AP3S1: variants seen among roughly 807,000 people sequenced by gnomAD.
The protein encoded by AP3S1 is adaptor related protein complex 3 subunit sigma 1.
A neutral mutation model predicts 21.3 loss-of-function variants in AP3S1; 12 were observed. The observed-to-expected ratio is 0.56, with a 90% CI of 0.36 to 0.91. The LOEUF (loss-of-function observed/expected upper bound fraction) is 0.91. AP3S1 is among the 40% of genes least tolerant of loss of function. The pLI is 0.01. For missense variants in AP3S1, 116 were observed against 225.0 expected, an observed-to-expected ratio of 0.52 and a Z score of 3.10; for synonymous variants, 48 against 78.4, an observed-to-expected ratio of 0.61 and a Z score of 2.05.
rs147178147 is a variant in AP3S1, at chr5:115,864,663, A to G, written c.70-2007A>G. 7.2e-5 allele frequency among the ~76,000 whole-genome samples: 11 copies of G among 152,350 alleles called. No homozygotes were observed. In the East Asian group the frequency reaches 2.1e-3, roughly 29 times the overall value. On this transcript the variant is annotated intron_variant, in intron 1 of 5. Coordinates refer to ENST00000316788, the MANE Select transcript of AP3S1 (RefSeq NM_001284.4). ...CATGACTTCACAGGATTTATGACACAACCAATCAAAGAAATCATGGAAGAG... is the reference window on the plus strand; with the variant it reads ...CATGACTTCACAGGATTTATGACACGACCAATCAAAGAAATCATGGAAGAG...
At chr5:115,887,562 G>A (rs187948639) in intron 3 of AP3S1, among the ~76,000 whole-genome samples, 4 of 151,764 alleles carry the variant, frequency 2.6e-5, no homozygotes, top group African/African-American at 7.2e-5. Flanking sequence ...TTATTTCTCC[G>A]TGTGTTTGGT....
At chr5:115,901,316 G>A (rs1228809141) in intron 4 of AP3S1, among the ~76,000 whole-genome samples, 5 of 151,788 alleles carry the variant, frequency 3.3e-5, no homozygotes, top group East Asian at 1.9e-4. Context: ...ACCTAAAAAC[G>A]GATGCAGAGT....
chr5:115,842,498 C>G (rs1761676908), intron 1 of AP3S1: 1 of 171,168 alleles, frequency 5.8e-6, no homozygotes, highest in Admixed American at 6.4e-5. Context: ...CCGCCCGCGG[C>G]TGCAGTTAGC....
At chr5:115,881,975 T>A (rs1749333662) in intron 3 of AP3S1, among the ~76,000 whole-genome samples, 1 of 151,824 alleles carries the variant, frequency 6.6e-6, no homozygotes, top group South Asian at 2.1e-4. Context: ...ATATCCTTTC[T>A]TCTGCTTGAT....
chr5:115,909,951 A>G (rs544550709), intron 5 of AP3S1, among the ~76,000 whole-genome samples: 1 of 152,332 alleles, frequency 6.6e-6, no homozygotes, highest in South Asian at 2.1e-4. Context: ...GAGAACAGTT[A>G]TAACAGTATA....
chr5:115,860,595 A>C (rs549194484), intron 1 of AP3S1, among the ~76,000 whole-genome samples: 1 of 152,144 alleles, frequency 6.6e-6, no homozygotes, highest in Non-Finnish European at 1.5e-5. Flanking sequence ...CCAATTCATG[A>C]GGTTTTTGCC....
intron 3 of AP3S1, among the ~76,000 whole-genome samples, chr5:115,877,095 A>G (rs183989490): frequency 2.8e-4 from 42 of 152,306 alleles, no homozygotes; most frequent in Admixed American, 6.5e-4. Context: ...AATTATTAAT[A>G]TTTATGGTGT....
At chr5:115,878,051 G>T (rs564595071) in intron 3 of AP3S1, among the ~76,000 whole-genome samples, 1 of 152,120 alleles carries the variant, frequency 6.6e-6, no homozygotes, top group African/African-American at 2.4e-5. Flanking sequence ...GGGATTGTTT[G>T]CTTTTTCCTT....
chr5:115,848,960 AAGCCCTTGTAGAGTTAGGCCTCTGACT>A (rs1762252138), intron 1 of AP3S1, among the ~76,000 whole-genome samples: 1 of 152,218 alleles, frequency 6.6e-6, no homozygotes, highest in Non-Finnish European at 1.5e-5. Context: ...CAAGTGGAGG[AAGCCCTTGTAGAGTTAGGCCTCTGACT>A]AGGCCTTCTA....
chr5:115,867,819 A>T (rs971661835), intron 2 of AP3S1, among the ~76,000 whole-genome samples: 1 of 152,206 alleles, frequency 6.6e-6, no homozygotes, highest in African/African-American at 2.4e-5. Flanking sequence ...CTTACCACCC[A>T]GCACAGTGCA....
chr5:115,874,849 A>T (rs1394980206), intron 3 of AP3S1, among the ~76,000 whole-genome samples: 2 of 152,050 alleles, frequency 1.3e-5, no homozygotes, highest in African/African-American at 4.8e-5. Context: ...AATTAAAGCT[A>T]TCTATTATCT....
intron 3 of AP3S1, among the ~76,000 whole-genome samples, chr5:115,877,414 A>G (rs1748825710): frequency 6.6e-6 from 1 of 151,954 alleles, no homozygotes; most frequent in South Asian, 2.1e-4. Context: ...ATGTGTTCTC[A>G]TTGTGCAACT....
chr5:115,894,382 G>A (rs960312416), intron 3 of AP3S1, among the ~76,000 whole-genome samples: 2 of 152,276 alleles, frequency 1.3e-5, no homozygotes, highest in African/African-American at 4.8e-5. Flanking sequence ...TTAACATGAA[G>A]TACCTGCTCA....
intron 3 of AP3S1, among the ~76,000 whole-genome samples, chr5:115,893,340 C>A (rs1750480052): frequency 6.6e-6 from 1 of 152,054 alleles, no homozygotes; most frequent in African/African-American, 2.4e-5. Flanking sequence ...AGCATATAGA[C>A]CATTGTACAA....
Position 115,868,936 on chromosome 5 carries a change from GGGAAGGAA to G in AP3S1, c.162-1070_162-1063del, listed in dbSNP as rs1156271663. ...AAGAGAGGATGAAGGGAGGGAGGGA[GGGAAGGAA>G]GGAAGGAAGGGAGGGAGGGAGGGAG... is the stretch of plus-strand genomic sequence containing the variant. On this transcript the variant is annotated intron_variant, in intron 2 of 5. Coordinates refer to ENST00000316788, the MANE Select transcript of AP3S1 (RefSeq NM_001284.4). Among the ~76,000 whole-genome samples the G allele has an allele frequency of 4.2e-3, 329 of 77,690 alleles. 9 individuals are homozygous for G. The highest frequency in any genetic ancestry group is 6.7e-3 in the African/African-American group (131 of 19,564). 51.0% of individuals were successfully genotyped at this position (77,690 alleles called of 152,430 possible). A position where few individuals can be genotyped will look rare whatever the true frequency, so the allele number is the denominator to read the frequency against.
chr5:115,898,832 A>G (rs1168824949), intron 4 of AP3S1: 1 of 152,238 alleles, frequency 6.6e-6, no homozygotes, highest in Non-Finnish European at 1.5e-5. Context: ...AATATGAATC[A>G]TTCAGTTTGT....
At chr5:115,859,648 A>G (rs960660942) in intron 1 of AP3S1, among the ~76,000 whole-genome samples, 2 of 152,236 alleles carry the variant, frequency 1.3e-5, no homozygotes, top group Non-Finnish European at 2.9e-5. Flanking sequence ...GTATGGCTCC[A>G]CCTAAATTCA....
At chr5:115,881,323 G>A (rs1749265471) in intron 3 of AP3S1, among the ~76,000 whole-genome samples, 1 of 152,122 alleles carries the variant, frequency 6.6e-6, no homozygotes, top group Admixed American at 6.5e-5. Context: ...GTATGTTTTT[G>A]CAATGGCTGG....
At chr5:115,857,191 TC>T (rs1351781025) in intron 1 of AP3S1, among the ~76,000 whole-genome samples, 15 of 152,220 alleles carry the variant, frequency 9.9e-5, no homozygotes, top group African/African-American at 3.6e-4. Flanking sequence ...AAAGAAAACT[TC>T]CTATGAGATT....
Sources: gnomAD v4.1 joint callset for allele counts (sites outside exome capture counted in the v4.1 genomes callset) on GRCh38, gnomAD v4.1.1 for gene constraint, MANE v1.5 for transcripts, NCBI Gene and HGNC (gene_info 2026-07-23, HGNC 2026-07-21) for gene names.